Variants in KCNH7 observed in about 807,000 individuals in gnomAD.
The protein encoded by KCNH7 is potassium voltage-gated channel subfamily H member 7.
A neutral mutation model predicts 120.8 loss-of-function variants in KCNH7; 49 were observed. The ratio of observed to expected loss-of-function variants is 0.41; its 90% confidence interval spans 0.32 to 0.51. KCNH7 has a LOEUF of 0.51. KCNH7 is among the 20% of genes least tolerant of loss of function. The pLI, the probability that KCNH7 is intolerant of heterozygous loss-of-function variation, is 0.38. For missense variants in KCNH7, 1,097 were observed against 1,446.6 expected (o/e 0.76, Z 3.92); for synonymous variants, 547 against 516.1 (o/e 1.06, Z -0.81).
intron 2 of KCNH7, among the ~76,000 whole-genome samples, chr2:162,755,530 AGT>A (rs1688760275): frequency 6.6e-6 from 1 of 152,108 alleles, no homozygotes; most frequent in Non-Finnish European, 1.5e-5. Flanking sequence ...TATTTAATGT[AGT>A]TTGTTTACCC....
intron 8 of KCNH7, among the ~76,000 whole-genome samples, chr2:162,433,647 G>T (rs1436314507): frequency 1.3e-5 from 2 of 151,924 alleles, no homozygotes; most frequent in Non-Finnish European, 2.9e-5. Flanking sequence ...ATTTAAGATT[G>T]GAATGTAAGA....
At chr2:162,511,141 G>C (rs998706359) in intron 5 of KCNH7, among the ~76,000 whole-genome samples, 1 of 151,438 alleles carries the variant, frequency 6.6e-6, no homozygotes, top group Non-Finnish European at 1.5e-5. Context: ...AAAAATGAGA[G>C]AGTTGAGAAA....
intron 2 of KCNH7, among the ~76,000 whole-genome samples, chr2:162,751,718 T>G (rs1287878325): frequency 6.6e-6 from 1 of 151,806 alleles, no homozygotes; most frequent in African/African-American, 2.4e-5. Flanking sequence ...TTATAATAAA[T>G]AACAATATTT....
At chr2:162,729,268 C>T (rs369183270) in intron 2 of KCNH7, among the ~76,000 whole-genome samples, 2 of 151,714 alleles carry the variant, frequency 1.3e-5, no homozygotes, top group East Asian at 3.9e-4. Flanking sequence ...CGGGTTCCCG[C>T]CATTCTCCTG....
chr2:162,489,851 G>T (rs575687828), intron 6 of KCNH7, among the ~76,000 whole-genome samples: 2 of 152,248 alleles, frequency 1.3e-5, no homozygotes, highest in East Asian at 3.9e-4. Context: ...ACAAGATAAT[G>T]GAAGCAAAAT....
chr2:162,385,312 A>G (rs577765322), intron 12 of KCNH7, among the ~76,000 whole-genome samples: 1 of 151,920 alleles, frequency 6.6e-6, no homozygotes, highest in Non-Finnish European at 1.5e-5. Context: ...CCACTATGCA[A>G]CTTGCTATTT....
At chr2:162,386,599 G>A (rs936082235) in intron 12 of KCNH7, among the ~76,000 whole-genome samples, 2 of 151,664 alleles carry the variant, frequency 1.3e-5, no homozygotes, top group African/African-American at 2.4e-5. Flanking sequence ...CTATTTTCTC[G>A]AAAATGATTT....
At chr2:162,397,500 A>C (rs1271920821) in intron 10 of KCNH7, among the ~76,000 whole-genome samples, 2 of 151,760 alleles carry the variant, frequency 1.3e-5, no homozygotes, top group African/African-American at 4.8e-5. Context: ...ATCTAGTTAT[A>C]ATTCTCAACA....
At chr2:162,476,842 A>G (rs1324795062) in intron 6 of KCNH7, among the ~76,000 whole-genome samples, 3 of 152,200 alleles carry the variant, frequency 2.0e-5, no homozygotes, top group Non-Finnish European at 4.4e-5. Flanking sequence ...TCCAGTGGAA[A>G]CACAGCTTCT....
At chr2:162,666,863 T>G (rs964108593) in intron 2 of KCNH7, among the ~76,000 whole-genome samples, 4 of 152,236 alleles carry the variant, frequency 2.6e-5, no homozygotes, top group East Asian at 1.9e-4. Flanking sequence ...CATTAAAAAT[T>G]ATCTTTTCTT....
In KCNH7 at chr2:162,803,366, G is replaced by T. The variant is rs1456215776; in HGVS notation, c.307+33171C>A. 5.9e-5 allele frequency among the ~76,000 whole-genome samples: 9 copies of T among 151,646 alleles called. No homozygotes were observed. The South Asian group carries it at 6.2e-4, about 10-fold the overall frequency. ...AATCATGTCTACAATAAACTTGTAGGCATTTTTGTTGATCTATTAAATACT... is the reference window on the plus strand; with the variant it reads ...AATCATGTCTACAATAAACTTGTAGTCATTTTTGTTGATCTATTAAATACT... On this transcript the variant is annotated intron_variant, in intron 2 of 15. Coordinates refer to ENST00000332142, the MANE Select transcript of KCNH7 (RefSeq NM_033272.4).
At chr2:162,610,051 A>C (rs1213641403) in intron 2 of KCNH7, among the ~76,000 whole-genome samples, 1 of 152,222 alleles carries the variant, frequency 6.6e-6, no homozygotes, top group African/African-American at 2.4e-5. Context: ...TAGCACTTTT[A>C]CATAACACAG....
Position 162,517,840 on chromosome 2 carries a change from G to A in KCNH7, c.782C>T (p.Ser261Phe), listed in dbSNP as rs764152829. ...ACTACATAAGCTTTCCCTTGATCTG[G>A]AATGGGACAGCTGGGAACTTGACTG... Reference protein sequence around the residue: ...MLQSSSQLSHSRSRESLCSIR... With the variant: ...MLQSSSQLSHFRSRESLCSIR... The change falls in exon 4 of 16, where the codon TCC (serine) becomes TTC (phenylalanine). Residue 261 changes from serine to phenylalanine, a missense_variant. Physicochemically the swap from Ser to Phe is radical, Grantham distance 155. Transcript: ENST00000332142. 7 of 1,612,186 alleles carry A rather than the reference G, an allele frequency of 4.3e-6. No individual in the cohort carries two copies. Among genetic ancestry groups the A allele is most frequent in the South Asian group, 1.1e-5 (1 of 91,032 alleles).
chr2:162,414,974 G>T (rs1687497343), intron 9 of KCNH7, among the ~76,000 whole-genome samples: 1 of 151,898 alleles, frequency 6.6e-6, no homozygotes, highest in Admixed American at 6.6e-5. Flanking sequence ...AGACTCTAGA[G>T]TCCCACCAAT....
At chr2:162,489,436 AC>A (rs1183333698) in intron 6 of KCNH7, among the ~76,000 whole-genome samples, 1 of 152,206 alleles carries the variant, frequency 6.6e-6, no homozygotes, top group Non-Finnish European at 1.5e-5. Context: ...TGTCTGGGTC[AC>A]ATTCAAAGTC....
intron 2 of KCNH7, among the ~76,000 whole-genome samples, chr2:162,623,026 C>A (rs772623901): frequency 4.9e-4 from 74 of 152,186 alleles, no homozygotes; most frequent in Middle Eastern, 3.4e-3. Flanking sequence ...CAGAAACATT[C>A]CTACATTATT....
intron 2 of KCNH7, among the ~76,000 whole-genome samples, chr2:162,617,268 A>G (rs1683172342): frequency 6.6e-6 from 1 of 152,096 alleles, no homozygotes; most frequent in Admixed American, 6.5e-5. Flanking sequence ...TCACGAGGTC[A>G]GGAGATCGAG....
intron 2 of KCNH7, among the ~76,000 whole-genome samples, chr2:162,637,798 T>G (rs1443449453): frequency 3.3e-5 from 5 of 152,082 alleles, no homozygotes; most frequent in Non-Finnish European, 7.4e-5. Context: ...TTGTTGTGAT[T>G]TATTAGCTCC....
chr2:162,463,535 G>A (rs900475863), intron 6 of KCNH7, among the ~76,000 whole-genome samples: 6 of 151,736 alleles, frequency 4.0e-5, no homozygotes, highest in Non-Finnish European at 7.4e-5. Flanking sequence ...TACCTTAAAC[G>A]ACCCCACATG....
Sources: gnomAD v4.1 joint callset for allele counts (sites outside exome capture counted in the v4.1 genomes callset) on GRCh38, gnomAD v4.1.1 for gene constraint, MANE v1.5 for transcripts, NCBI Gene and HGNC (gene_info 2026-07-23, HGNC 2026-07-21) for gene names.